The following TIAM1 variants were observed in gnomAD, a reference collection of about 807,000 sequenced individuals.
TIAM1 encodes the protein TIAM Rac1 associated GEF 1.
TIAM1 carries 65 observed loss-of-function variants against 163.5 expected under a neutral mutation model. The ratio of observed to expected loss-of-function variants is 0.40; its 90% CI spans 0.33 to 0.49. The LOEUF is 0.49. Among genes scored for constraint, TIAM1 ranks in the 20% least tolerant of loss-of-function variants. The pLI, the probability that TIAM1 is intolerant of heterozygous loss-of-function variation, is 0.77. For missense variants in TIAM1, 1,789 were observed against 2,044.7 expected, an observed-to-expected ratio of 0.87 and a Z score of 2.41; for synonymous variants, 833 against 810.1, an observed-to-expected ratio of 1.03 and a Z score of -0.48.
chr21:31,369,813 C>G (rs1014290944), intron 2 of TIAM1, among the ~76,000 whole-genome samples: 1 of 152,108 alleles, frequency 6.6e-6, no homozygotes, highest in South Asian at 2.1e-4. Flanking sequence ...CATGGTGAAA[C>G]CCCGTCTCTA....
chr21:31,154,169 T>A, intron 17 of TIAM1, 78 bp downstream of exon 17: 1 of 1,475,244 alleles, frequency 6.8e-7, no homozygotes, highest in South Asian at 1.3e-5. Context: ...AATCAGCTGT[T>A]AATGAAAACC....
At chr21:31,555,551 G>A (rs185793091) in intron 1 of TIAM1, among the ~76,000 whole-genome samples, 103 of 152,146 alleles carry the variant, frequency 6.8e-4, no homozygotes, top group African/African-American at 2.5e-3. Flanking sequence ...ACTTTCATGA[G>A]AATCTGTAAC....
chr21:31,427,836 A>G (rs2043851573), intron 2 of TIAM1, among the ~76,000 whole-genome samples: 1 of 152,178 alleles, frequency 6.6e-6, no homozygotes. Flanking sequence ...CCCGTCTCAA[A>G]AACAATAAAT....
chr21:31,362,342 G>A (rs1411787040), intron 2 of TIAM1, among the ~76,000 whole-genome samples: 1 of 151,844 alleles, frequency 6.6e-6, no homozygotes, highest in Non-Finnish European at 1.5e-5. Flanking sequence ...GAAGGGAAGA[G>A]CTGACTTATC....
At chr21:31,373,880 C>T (rs773794999) in intron 2 of TIAM1, among the ~76,000 whole-genome samples, 18 of 152,228 alleles carry the variant, frequency 1.2e-4, no homozygotes, top group Non-Finnish European at 2.1e-4. Context: ...GTTCCCTCTT[C>T]CTCTCCCCAC....
chr21:31,558,775 G>T (rs1484415714), intron 1 of TIAM1, among the ~76,000 whole-genome samples: 2 of 152,124 alleles, frequency 1.3e-5, no homozygotes, highest in Non-Finnish European at 2.9e-5. Flanking sequence ...AGCCCGATCG[G>T]GGGGAGCTAG....
At chr21:31,400,708 G>GC (rs1174682018) in intron 2 of TIAM1, among the ~76,000 whole-genome samples, 3 of 152,158 alleles carry the variant, frequency 2.0e-5, no homozygotes, top group African/African-American at 7.2e-5. Context: ...TTTAGGTCTT[G>GC]CCCAGTCCTC....
At position 31,472,066 on chromosome 21, in the gene TIAM1, A is replaced by C. The variant is rs1174334324; in HGVS notation, c.-421-8031T>G. Among the ~76,000 whole-genome samples, 7 of 151,984 alleles carry C rather than the reference A, an allele frequency of 4.6e-5. No individual in the cohort carries two copies. The South Asian group carries it at 1.3e-3, about 27-fold the overall frequency. On this transcript the variant is annotated intron_variant, in intron 1 of 28. Coordinates refer to the TIAM1 transcript ENST00000286827. ...AAGGCTGTTGTGGTTAAGAGCCTGG[A>C]TGGGGAGCCTCGGTGGACACTTGGT...
chr21:31,276,371 A>C (rs75461977), intron 3 of TIAM1, among the ~76,000 whole-genome samples: 4,965 of 152,280 alleles, frequency 0.033, 239 homozygotes, highest in African/African-American at 0.11. Flanking sequence ...GATTATCCAA[A>C]GCAGAAACAA....
chr21:31,426,618 G>C (rs76394198), intron 2 of TIAM1, among the ~76,000 whole-genome samples: 5,396 of 152,220 alleles, frequency 0.035, 115 homozygotes, highest in Middle Eastern at 0.061. Flanking sequence ...CAGGTCCCTT[G>C]GTAAGCCACA....
intron 15 of TIAM1, among the ~76,000 whole-genome samples, chr21:31,166,074 T>C (rs1368177014): frequency 6.6e-6 from 1 of 152,208 alleles, no homozygotes; most frequent in African/African-American, 2.4e-5. Flanking sequence ...CAGGGGAACA[T>C]GTTTAATGCA....
chr21:31,213,246 C>T (rs1019571154), intron 10 of TIAM1, 152 bp downstream of exon 10: 1 of 601,020 alleles, frequency 1.7e-6, no homozygotes, highest in Non-Finnish European at 2.8e-6. Flanking sequence ...GATTTTCCAT[C>T]TCTTGTTGAC....
At chr21:31,175,536 T>C (rs1371467640) in intron 15 of TIAM1, among the ~76,000 whole-genome samples, 1 of 152,222 alleles carries the variant, frequency 6.6e-6, no homozygotes, top group Non-Finnish European at 1.5e-5. Flanking sequence ...TTCTTCTTGA[T>C]GTAAAAAGGA....
Position 31,245,605 on chromosome 21 carries a change from G to A in TIAM1, c.1467C>T (p.Ser489=). 1 of 1,607,278 alleles carries A rather than the reference G, an allele frequency of 6.2e-7. No homozygotes were observed. Among genetic ancestry groups the A allele is most frequent in the Non-Finnish European group, 8.5e-7 (1 of 1,176,950 alleles). Residue 489 remains serine (S), a synonymous_variant, in exon 6 of 28, where the codon AGC becomes AGT. Transcript: ENST00000541036. ...SDGRSGIDHN[S]IPKHAVWVEN... ...CCACCCAGACGGCGTGTTTGGGGAT[G>A]CTGTTGTGGTCTATCCCAGACCTGC...
chr21:31,539,300 C>T lies in TIAM1; in HGVS notation c.-422+19627G>A, dbSNP rs1473582234. Among the ~76,000 whole-genome samples, 48 of 149,750 alleles carry T rather than the reference C, an allele frequency of 3.2e-4. 1 individual carries two copies. The highest frequency in any genetic ancestry group is 1.1e-3 in the African/African-American group (44 of 39,848). The stretch of plus-strand genomic sequence containing the variant: ...TTTTTTTTTGAGACAGAGTCCCGCT[C>T]TGTGGCCCAGGCTGGAGTGCAGTGG... On this transcript the variant is annotated intron_variant, in intron 1 of 28. Transcript: ENST00000286827.
At position 31,118,853 on chromosome 21, in the gene TIAM1, G is replaced by T; in HGVS notation, c.*1515C>A. 1 of 340,222 alleles carries T rather than the reference G, an allele frequency of 2.9e-6. No homozygotes were observed. The highest frequency in any genetic ancestry group is 5.7e-6 in the Non-Finnish European group (1 of 174,272). 21.1% of individuals were successfully genotyped at this position (340,222 alleles called of 1,614,324 possible). On this transcript the variant is annotated 3_prime_UTR_variant, in exon 28 of 28. Coordinates refer to ENST00000541036, the MANE Select transcript of TIAM1 (RefSeq NM_001353694.2). ...GGCGGGGGGAATACAGGGTGGGAAC[G>T]CAGGAAAAGCAGGCAGAGGCACAAG...
intron 2 of TIAM1, among the ~76,000 whole-genome samples, chr21:31,295,562 C>T (rs1395541044): frequency 1.3e-5 from 2 of 150,758 alleles, no homozygotes; most frequent in African/African-American, 4.9e-5. Flanking sequence ...ATCTAAGGCT[C>T]AAAAGTTAGG....
intron 5 of TIAM1, among the ~76,000 whole-genome samples, chr21:31,250,151 GA>G (rs755928120): frequency 4.7e-3 from 277 of 58,862 alleles, no homozygotes; most frequent in South Asian, 0.01. Context: ...GTCTCAAACA[GA>G]AAAAAAAAAA....
intron 1 of TIAM1, among the ~76,000 whole-genome samples, chr21:31,469,043 A>AG (rs764521188): frequency 6.7e-5 from 10 of 150,144 alleles, no homozygotes; most frequent in Non-Finnish European, 1.2e-4. Flanking sequence ...TAGGGAACAA[A>AG]GGGGCTTCCT....
Sources: allele counts gnomAD v4.1 joint callset (sites outside exome capture counted in the v4.1 genomes callset), GRCh38; gene constraint gnomAD v4.1.1; transcripts MANE v1.5; gene names NCBI Gene and HGNC (gene_info 2026-07-23, HGNC 2026-07-21).